PVT1: variants seen among roughly 807,000 people sequenced by gnomAD.
The protein encoded by PVT1 is Pvt1 oncogene, also known as CXCR4/PVT1 fusion.
At chr8:127,906,006 T>C (rs1815815548) in intron 3 of PVT1, among the ~76,000 whole-genome samples, 1 of 152,202 alleles carries the variant, frequency 6.6e-6, no homozygotes, top group Non-Finnish European at 1.5e-5. Flanking sequence ...AAGATACATT[T>C]TGCACAAACC....
intron 2 of PVT1, among the ~76,000 whole-genome samples, chr8:127,818,476 G>T (rs964220012): frequency 3.3e-5 from 5 of 152,194 alleles, no homozygotes; most frequent in Non-Finnish European, 7.3e-5. Flanking sequence ...CGGTTCATCA[G>T]CAGGATTTAT....
At chr8:127,818,578 A>G (rs1586392542) in intron 2 of PVT1, among the ~76,000 whole-genome samples, 1 of 152,104 alleles carries the variant, frequency 6.6e-6, no homozygotes, top group African/African-American at 2.4e-5. Flanking sequence ...TCGGTGAGAG[A>G]CCACCAGAAG....
chr8:128,019,867 G>A (rs887721091), intron 4 of PVT1, among the ~76,000 whole-genome samples: 6 of 152,190 alleles, frequency 3.9e-5, no homozygotes, highest in African/African-American at 4.8e-5. Context: ...GTAAACTTTG[G>A]TGTTTACTTG....
intron 5 of PVT1, among the ~76,000 whole-genome samples, chr8:128,095,962 T>C (rs1336955493): frequency 1.3e-5 from 2 of 152,252 alleles, no homozygotes; most frequent in Non-Finnish European, 2.9e-5. Flanking sequence ...CTTTCATTTC[T>C]TTGTAAAAAG....
intron 4 of PVT1, among the ~76,000 whole-genome samples, chr8:128,059,260 T>C (rs184712988): frequency 1.3e-5 from 2 of 152,136 alleles, no homozygotes; most frequent in African/African-American, 4.8e-5. Context: ...AAAGGCTCAA[T>C]ACGCAGCTCA....
intron 4 of PVT1, among the ~76,000 whole-genome samples, chr8:128,041,235 GTGTTGTT>G (rs1813531668): frequency 2.1e-5 from 3 of 145,720 alleles, no homozygotes; most frequent in Admixed American, 6.8e-5. Context: ...GCATGTGTGT[GTGTTGTT>G]TGTGTGTGTG....
chr8:127,982,552 G>A (rs1351159063), intron 3 of PVT1, among the ~76,000 whole-genome samples: 2 of 151,998 alleles, frequency 1.3e-5, no homozygotes, highest in African/African-American at 4.8e-5. Flanking sequence ...GCTCATGCCT[G>A]TGATCTCAGC....
chr8:127,818,789 CTTG>C (rs1241827561), intron 2 of PVT1, among the ~76,000 whole-genome samples: 1 of 152,162 alleles, frequency 6.6e-6, no homozygotes, highest in Non-Finnish European at 1.5e-5. Context: ...AGATCCTTAC[CTTG>C]TTGTGAGAGT....
intron 3 of PVT1, among the ~76,000 whole-genome samples, chr8:127,987,033 T>C (rs1816977715): frequency 1.3e-5 from 2 of 152,174 alleles, no homozygotes; most frequent in Non-Finnish European, 2.9e-5. Context: ...GCAGACTCCT[T>C]AGCTCCTCTG....
chr8:127,811,093 CTCTTCTAGATG>C (rs1277889207), intron 2 of PVT1, among the ~76,000 whole-genome samples: 1 of 152,236 alleles, frequency 6.6e-6, no homozygotes, highest in East Asian at 1.9e-4. Flanking sequence ...CAGCGGGTCC[CTCTTCTAGATG>C]TTATCAGAGA....
intron 3 of PVT1, among the ~76,000 whole-genome samples, chr8:127,962,254 C>T (rs756913359): frequency 1.5e-4 from 23 of 152,188 alleles, no homozygotes; most frequent in Non-Finnish European, 2.6e-4. Context: ...CGTGAGCCAC[C>T]GCTCCCGGCC....
intron 3 of PVT1, among the ~76,000 whole-genome samples, chr8:127,965,317 T>G (rs779380392): frequency 6.6e-6 from 1 of 152,176 alleles, no homozygotes; most frequent in Non-Finnish European, 1.5e-5. Flanking sequence ...GCCCCCTAAG[T>G]GGGTATAATG....
chr8:128,017,599 T>C (rs918140402), intron 4 of PVT1, among the ~76,000 whole-genome samples: 4 of 151,808 alleles, frequency 2.6e-5, no homozygotes, highest in Non-Finnish European at 4.4e-5. Flanking sequence ...GCGCTATTTT[T>C]TTTTTTTTTT....
At chr8:127,827,640 G>T (rs1254427467) in intron 2 of PVT1, among the ~76,000 whole-genome samples, 1 of 152,052 alleles carries the variant, frequency 6.6e-6, no homozygotes, top group African/African-American at 2.4e-5. Flanking sequence ...GCACGTCAGG[G>T]TTGAGCTGCT....
chr8:127,824,478 CT>C (rs1814765888), intron 2 of PVT1, among the ~76,000 whole-genome samples: 2 of 152,100 alleles, frequency 1.3e-5, no homozygotes, highest in South Asian at 4.1e-4. Flanking sequence ...TAAATTTTAC[CT>C]TTTTATCCAG....
At chr8:127,925,658 T>G (rs1023716194) in intron 3 of PVT1, among the ~76,000 whole-genome samples, 18 of 143,118 alleles carry the variant, frequency 1.3e-4, no homozygotes, top group African/African-American at 4.6e-4. Flanking sequence ...GTTTTTTTTT[T>G]GAAATGGAGT....
At chr8:128,063,828 T>C (rs1813863525) in intron 4 of PVT1, among the ~76,000 whole-genome samples, 1 of 152,184 alleles carries the variant, frequency 6.6e-6, no homozygotes, top group Non-Finnish European at 1.5e-5. Context: ...TGAACAAGGC[T>C]AAGAGAGTGG....
chr8:128,002,249 G>T (rs1202413069), intron 4 of PVT1, among the ~76,000 whole-genome samples: 1 of 152,078 alleles, frequency 6.6e-6, no homozygotes, highest in Non-Finnish European at 1.5e-5. Context: ...CATGGCCAGG[G>T]GCCCACCTCG....
chr8:127,964,745 G>A (rs529871517), intron 3 of PVT1, among the ~76,000 whole-genome samples: 13 of 152,130 alleles, frequency 8.5e-5, no homozygotes, highest in African/African-American at 2.2e-4. Context: ...CTCTATGTCC[G>A]TCTCTCCTCA....
Sources: gnomAD v4.1 joint callset for allele counts (sites outside exome capture counted in the v4.1 genomes callset) on GRCh38, gnomAD v4.1.1 for gene constraint, MANE v1.5 for transcripts, NCBI Gene and HGNC (gene_info 2026-07-23, HGNC 2026-07-21) for gene names.